ADAM18: variants seen among roughly 807,000 people sequenced by gnomAD.
ADAM18 encodes the protein ADAM metallopeptidase domain 18, also known as disintegrin and metalloproteinase domain-containing protein 18.
A neutral mutation model predicts 94.4 loss-of-function variants in ADAM18; 117 were observed. That is an observed-to-expected ratio of 1.24 (90% CI 1.07 to 1.45). ADAM18 has a LOEUF of 1.45. Ranked by LOEUF, ADAM18 falls within the 40% of genes most tolerant of loss-of-function variation. ADAM18 has a pLI of 0.00. For synonymous variants in ADAM18, 327 were observed against 291.6 expected (o/e 1.12, Z -1.24); for missense variants, 936 against 880.0 (o/e 1.06, Z -0.81).
At chr8:39,650,800 G>A (rs1235944132) in intron 12 of ADAM18, among the ~76,000 whole-genome samples, 2 of 152,128 alleles carry the variant, frequency 1.3e-5, no homozygotes, top group African/African-American at 2.4e-5. Flanking sequence ...ATTTTGAAGG[G>A]GTGGCCTCCC....
intron 15 of ADAM18, among the ~76,000 whole-genome samples, chr8:39,678,380 C>T (rs1315091022): frequency 6.6e-6 from 1 of 152,180 alleles, no homozygotes; most frequent in Admixed American, 6.5e-5. Context: ...CCATCACCCT[C>T]CTCCATATGT....
At chr8:39,692,760 C>T in intron 17 of ADAM18, 80 bp downstream of exon 17, 2 of 1,131,166 alleles carry the variant, frequency 1.8e-6, no homozygotes, top group Non-Finnish European at 2.5e-6. Flanking sequence ...GATTGAGAGT[C>T]TAGGTTGACT....
At chr8:39,645,651 C>CTA (rs1179227395) in intron 11 of ADAM18, among the ~76,000 whole-genome samples, 177 bp downstream of exon 11, 1 of 152,100 alleles carries the variant, frequency 6.6e-6, no homozygotes, top group Non-Finnish European at 1.5e-5. Flanking sequence ...ATAGATTGAT[C>CTA]TATATCTTTG....
chr8:39,713,458 A>G (rs1253124951), intron 18 of ADAM18, among the ~76,000 whole-genome samples: 2 of 152,210 alleles, frequency 1.3e-5, no homozygotes, highest in Non-Finnish European at 2.9e-5. Context: ...ATTAAACTAA[A>G]GAGCTTCTGC....
At chr8:39,707,975 A>G (rs1822288153) in intron 18 of ADAM18, among the ~76,000 whole-genome samples, 1 of 152,188 alleles carries the variant, frequency 6.6e-6, no homozygotes, top group South Asian at 2.1e-4. Flanking sequence ...TAACGGCGTA[A>G]CAGTCAACCT....
rs780500754 is a variant in ADAM18, at chr8:39,668,072, C to G, written c.1401C>G (p.Thr467=). 1.2e-6 allele frequency: 2 copies of G among 1,613,910 alleles called. No homozygotes were observed. Among genetic ancestry groups the G allele is most frequent in the African/African-American group, 2.7e-5 (2 of 74,898 alleles). Residue 467 remains threonine, a synonymous_variant, in exon 14 of 20, where the codon ACC becomes ACG. Transcript: ENST00000265707. ...ECDFTEYCNG[T]SSNCVPDTYA... ...ATTTTACAGAGTACTGCAATGGAAC[C>G]TCTAGTAATTGTGTTCCTGACACTT...
chr8:39,699,525 T>A (rs1822008321), intron 17 of ADAM18, among the ~76,000 whole-genome samples: 1 of 152,170 alleles, frequency 6.6e-6, no homozygotes, highest in Non-Finnish European at 1.5e-5. Flanking sequence ...GTGAGATGTG[T>A]GGTGTTAATA....
At chr8:39,644,966 G>A (rs1820338085) in intron 10 of ADAM18, among the ~76,000 whole-genome samples, 1 of 152,090 alleles carries the variant, frequency 6.6e-6, no homozygotes, top group Non-Finnish European at 1.5e-5. Context: ...ACATGCCACT[G>A]TATTCCTACC....
At chr8:39,702,449 T>G (rs1344593374) in intron 17 of ADAM18, among the ~76,000 whole-genome samples, 2 of 152,206 alleles carry the variant, frequency 1.3e-5, no homozygotes, top group Non-Finnish European at 2.9e-5. Flanking sequence ...GTCTGTTTAC[T>G]CTGTTGATAG....
intron 19 of ADAM18, 85 bp from the exon 20 acceptor site, chr8:39,729,813 A>G: frequency 9.5e-7 from 1 of 1,052,382 alleles, no homozygotes; most frequent in Non-Finnish European, 1.4e-6. Context: ...GTAGAAATTC[A>G]GTAGTAAATA....
chr8:39,619,135 C>T (rs1819532030), intron 6 of ADAM18, among the ~76,000 whole-genome samples: 1 of 152,124 alleles, frequency 6.6e-6, no homozygotes. Context: ...TCACAAATAT[C>T]TTTGCACCCA....
At chr8:39,703,960 A>G (rs1268433685) in intron 17 of ADAM18, among the ~76,000 whole-genome samples, 2 of 152,156 alleles carry the variant, frequency 1.3e-5, no homozygotes, top group Non-Finnish European at 2.9e-5. Context: ...CTAGAAAATT[A>G]GAAGAAATGG....
At chr8:39,688,701 C>A (rs1016156314) in intron 16 of ADAM18, among the ~76,000 whole-genome samples, 1 of 152,060 alleles carries the variant, frequency 6.6e-6, no homozygotes, top group African/African-American at 2.4e-5. Context: ...CATACATGTG[C>A]CCTTATACTA....
At chr8:39,712,615 G>A (rs1479522239) in intron 18 of ADAM18, among the ~76,000 whole-genome samples, 3 of 152,146 alleles carry the variant, frequency 2.0e-5, no homozygotes, top group African/African-American at 7.2e-5. Context: ...CAAAATCAAT[G>A]TGCAAAAATC....
intron 6 of ADAM18, among the ~76,000 whole-genome samples, chr8:39,621,309 TCACACACACACACACACACACACACA>T (rs55818122): frequency 1.6e-5 from 2 of 128,856 alleles, no homozygotes; most frequent in Non-Finnish European, 3.3e-5. Flanking sequence ...CATGACAAAA[TCACACACACACACACACACACACACA>T]CACACACACA....
chr8:39,645,400 T>C lies in ADAM18; in HGVS notation c.972T>C (p.Asn324=). 1 of 1,612,762 alleles carries C rather than the reference T, an allele frequency of 6.2e-7. No homozygotes were observed. The part of the protein sequence containing the change: ...SVIIAQLLGL[N]VGLTYDDITQ... ...TTATAGCTCAACTGCTTGGCCTTAATGTAGGATTAACATATGATGACATCA... is the reference window on the plus strand; with the variant it reads ...TTATAGCTCAACTGCTTGGCCTTAACGTAGGATTAACATATGATGACATCA... Residue 324 remains asparagine, a synonymous_variant, in exon 11 of 20, where the codon AAT becomes AAC. Coordinates refer to ENST00000265707, the MANE Select transcript of ADAM18 (RefSeq NM_014237.3).
chr8:39,719,643 C>A (rs912471409), intron 18 of ADAM18, among the ~76,000 whole-genome samples: 2 of 151,128 alleles, frequency 1.3e-5, no homozygotes, highest in Non-Finnish European at 3.0e-5. Flanking sequence ...AAAAGGGGGG[C>A]AAAATAAGCA....
intron 6 of ADAM18, among the ~76,000 whole-genome samples, chr8:39,620,424 ACAAC>A (rs1023217595): frequency 6.7e-6 from 1 of 149,288 alleles, no homozygotes; most frequent in South Asian, 2.1e-4. Flanking sequence ...AAAAAAACCA[ACAAC>A]CAACCAACCA....
At chr8:39,652,839 A>C (rs945605717) in intron 12 of ADAM18, among the ~76,000 whole-genome samples, 2 of 152,218 alleles carry the variant, frequency 1.3e-5, no homozygotes, top group Non-Finnish European at 2.9e-5. Context: ...ATGGACTACT[A>C]TTCAGACTTT....
Sources: allele counts gnomAD v4.1 joint callset (sites outside exome capture counted in the v4.1 genomes callset), GRCh38; gene constraint gnomAD v4.1.1; transcripts MANE v1.5; gene names NCBI Gene and HGNC (gene_info 2026-07-23, HGNC 2026-07-21).